DCC: variants seen among roughly 807,000 people sequenced by gnomAD.
DCC encodes netrin receptor DCC.
A neutral mutation model predicts 172.5 loss-of-function variants in DCC; 58 were observed. The observed-to-expected ratio is 0.34, with a 90% CI of 0.27 to 0.42. DCC has a LOEUF of 0.42. Among genes scored for constraint, DCC ranks in the 10% least tolerant of loss-of-function variants. The pLI is 1.00. For missense variants in DCC, 1,740 were observed against 1,791.0 expected (o/e 0.97, Z 0.51); for synonymous variants, 709 against 644.5 (o/e 1.10, Z -1.52).
intron 1 of DCC, 43 bp downstream of exon 1, chr18:52,340,921 A>ACC: frequency 7.1e-7 from 1 of 1,405,022 alleles, no homozygotes; most frequent in Non-Finnish European, 1.0e-6. Flanking sequence ...CCCCTTCCGT[A>ACC]CCCCACTTCC....
At chr18:52,996,474 A>G (rs2041481294) in intron 5 of DCC, among the ~76,000 whole-genome samples, 1 of 151,962 alleles carries the variant, frequency 6.6e-6, no homozygotes. Flanking sequence ...CATTCATTAA[A>G]TATTTTTGAG....
intron 27 of DCC, among the ~76,000 whole-genome samples, chr18:53,506,348 G>A (rs1290156703): frequency 6.6e-6 from 1 of 152,108 alleles, no homozygotes; most frequent in African/African-American, 2.4e-5. Flanking sequence ...AAAGATAAAG[G>A]CAGATACGAT....
At chr18:53,168,874 G>A (rs776391193) in intron 8 of DCC, among the ~76,000 whole-genome samples, 4 of 152,080 alleles carry the variant, frequency 2.6e-5, no homozygotes, top group Non-Finnish European at 2.9e-5. Flanking sequence ...CCATGGAGGT[G>A]AGATCTCATT....
intron 5 of DCC, among the ~76,000 whole-genome samples, chr18:53,050,052 A>G (rs1304790001): frequency 6.7e-6 from 1 of 149,360 alleles, no homozygotes; most frequent in Non-Finnish European, 1.5e-5. Context: ...AAGAGTGAAA[A>G]AGCTGAAAAA....
chr18:53,329,595 A>G (rs2057507788), intron 14 of DCC, among the ~76,000 whole-genome samples: 1 of 152,150 alleles, frequency 6.6e-6, no homozygotes, highest in South Asian at 2.1e-4. Flanking sequence ...ACTAAAAACT[A>G]TAAAAGACAT....
intron 2 of DCC, among the ~76,000 whole-genome samples, chr18:52,874,412 A>G (rs527732009): frequency 6.6e-6 from 1 of 152,316 alleles, no homozygotes; most frequent in Non-Finnish European, 1.5e-5. Flanking sequence ...GACCATTGCC[A>G]ATGTTAGTTA....
chr18:53,259,355 T>A (rs1484726774), intron 12 of DCC, among the ~76,000 whole-genome samples: 3 of 152,202 alleles, frequency 2.0e-5, no homozygotes, highest in Non-Finnish European at 2.9e-5. Flanking sequence ...GTACCAGTTG[T>A]TCCTTTCCAT....
intron 1 of DCC, among the ~76,000 whole-genome samples, chr18:52,698,681 C>T (rs1266083437): frequency 1.3e-5 from 2 of 152,084 alleles, no homozygotes; most frequent in Non-Finnish European, 2.9e-5. Flanking sequence ...TCACTGCAAC[C>T]TCCACCTCCC....
chr18:52,606,786 T>A (rs1381184190), intron 1 of DCC, among the ~76,000 whole-genome samples: 3 of 152,154 alleles, frequency 2.0e-5, no homozygotes, highest in African/African-American at 7.2e-5. Context: ...GAGTAACATG[T>A]GGGGAAGAGC....
Position 52,382,120 on chromosome 18 carries a change from T to C in DCC, c.91+41242T>C, listed in dbSNP as rs16954814. On this transcript the variant is annotated intron_variant, in intron 1 of 28. Coordinates refer to ENST00000442544, the MANE Select transcript of DCC (RefSeq NM_005215.4). ...TTCATCTAACATACATTGAATGGTGTTCTGTGCTAAGTGGACTTTCATATG... is the reference window on the plus strand; with the variant it reads ...TTCATCTAACATACATTGAATGGTGCTCTGTGCTAAGTGGACTTTCATATG... Among the ~76,000 whole-genome samples the C allele has an allele frequency of 3.6e-3, 550 of 152,262 alleles. 7 individuals carry two copies. Among genetic ancestry groups the C allele is most frequent in the African/African-American group, 0.013 (521 of 41,562 alleles).
chr18:52,542,439 T>C (rs1288094052), intron 1 of DCC, among the ~76,000 whole-genome samples: 1 of 152,184 alleles, frequency 6.6e-6, no homozygotes, highest in Non-Finnish European at 1.5e-5. Context: ...TGCTGTGATG[T>C]CACAAACACT....
intron 1 of DCC, among the ~76,000 whole-genome samples, chr18:52,718,352 T>G (rs575959667): frequency 6.6e-6 from 1 of 152,240 alleles, no homozygotes; most frequent in Non-Finnish European, 1.5e-5. Flanking sequence ...TGTCAGTGAA[T>G]AGTATTTCTA....
chr18:53,318,760 T>C (rs1327040923), intron 13 of DCC, among the ~76,000 whole-genome samples: 1 of 151,352 alleles, frequency 6.6e-6, no homozygotes, highest in Non-Finnish European at 1.5e-5. Context: ...GGGTTTTTTT[T>C]TTTTTTTTTT....
chr18:52,429,893 G>A (rs1053979685), intron 1 of DCC, among the ~76,000 whole-genome samples: 5 of 152,138 alleles, frequency 3.3e-5, no homozygotes, highest in Non-Finnish European at 5.9e-5. Flanking sequence ...CAAGAGGTGG[G>A]TAAGGTATTG....
chr18:53,006,045 G>C (rs1014039561), intron 5 of DCC, among the ~76,000 whole-genome samples: 1 of 152,124 alleles, frequency 6.6e-6, no homozygotes, highest in Non-Finnish European at 1.5e-5. Context: ...ACTCAGATAG[G>C]ATTATTTCTG....
chr18:52,563,694 TA>T (rs941211253), intron 1 of DCC, among the ~76,000 whole-genome samples: 2 of 152,190 alleles, frequency 1.3e-5, no homozygotes, highest in Non-Finnish European at 2.9e-5. Flanking sequence ...TATATTGCTT[TA>T]AAAATTATGC....
intron 2 of DCC, among the ~76,000 whole-genome samples, chr18:52,877,588 TC>T (rs1236138720): frequency 2.0e-5 from 3 of 151,802 alleles, no homozygotes; most frequent in Non-Finnish European, 4.4e-5. Context: ...GCACCTTTAA[TC>T]CCAGGTACTT....
rs749964691 is a variant in DCC at position 53,249,142 on chromosome 18, T to A, written c.1911+33545T>A. On this transcript the variant is annotated intron_variant, in intron 12 of 28. Transcript: ENST00000442544. Reference sequence around the variant, plus strand: ...GATCAGGCTAGGCATGAACGTGTAATGTGGATTCCCATAGTTTTTAATGAG... The same window carrying A: ...GATCAGGCTAGGCATGAACGTGTAAAGTGGATTCCCATAGTTTTTAATGAG... 3.3e-5 allele frequency among the ~76,000 whole-genome samples: 5 copies of A among 152,004 alleles called. No individual in the cohort carries two copies. The South Asian group carries it at 1.0e-3, about 31-fold the overall frequency.
chr18:52,947,226 A>G (rs1189653572), intron 5 of DCC, among the ~76,000 whole-genome samples: 1 of 152,236 alleles, frequency 6.6e-6, no homozygotes. Flanking sequence ...AGTTTTTAAC[A>G]CAAAACATCT....
Sources: gnomAD v4.1 joint callset for allele counts (sites outside exome capture counted in the v4.1 genomes callset) on GRCh38, gnomAD v4.1.1 for gene constraint, MANE v1.5 for transcripts, NCBI Gene and HGNC (gene_info 2026-07-23, HGNC 2026-07-21) for gene names.